Variants in ATP6V0B observed in about 807,000 individuals in gnomAD.
ATP6V0B encodes the protein V-type proton ATPase 21 kDa proteolipid subunit c''.
ATP6V0B carries 4 observed loss-of-function variants against 26.2 expected under a neutral mutation model. That is an observed-to-expected ratio of 0.15 (90% CI 0.08 to 0.35). ATP6V0B has a LOEUF of 0.35. Ranked by LOEUF, ATP6V0B falls within the 10% of genes least tolerant of loss-of-function variation. The probability of loss-of-function intolerance (pLI) is 1.00; values close to 1 mark genes in which losing one functional copy is unlikely to be tolerated. For missense variants in ATP6V0B, 175 were observed against 272.5 expected (o/e 0.64, Z 2.52); for synonymous variants, 110 against 105.8 (o/e 1.04, Z -0.24).
Position 43,976,150 on chromosome 1 carries a change from CCT to C in ATP6V0B, c.178_179del (p.Leu60ValfsTer38), listed in dbSNP as rs754984634. On this transcript the variant is annotated frameshift_variant, in exon 3 of 8. Transcript: ENST00000472174. LOFTEE classifies it high-confidence loss of function. This position sits in a 1 kb window ranked among gnomAD's most constrained non-coding sequence, Gnocchi z 4.6. ...SNLGIGLAIS[L>X]SVVGAAWGIY... ...ACCTGGGCATTGGCCTAGCTATCTC[CCT>C]GTCTGTGGTTGGGGCAGCCTGGTGA... The C allele has an allele frequency of 6.2e-7, 1 of 1,614,062 alleles. No homozygotes were observed. The highest frequency in any genetic ancestry group is 8.5e-7 in the Non-Finnish European group (1 of 1,179,982).
chr1:43,978,071 G>A lies in ATP6V0B; in HGVS notation c.*64G>A. On this transcript the variant is annotated 3_prime_UTR_variant, in exon 8 of 8. Transcript: ENST00000472174. Reference sequence around the variant, plus strand: ...ATTGCTGGTTTTCCTGGGACAGCTGGAGCTGTGTCCCTTAGCCTTTCAGAG... The same window carrying A: ...ATTGCTGGTTTTCCTGGGACAGCTGAAGCTGTGTCCCTTAGCCTTTCAGAG... 1 of 1,607,710 alleles carries A rather than the reference G, an allele frequency of 6.2e-7. No homozygotes were observed. Among genetic ancestry groups the A allele is most frequent in the Non-Finnish European group, 8.5e-7 (1 of 1,174,300 alleles).
chr1:43,978,204 A>T lies in ATP6V0B; in HGVS notation c.*197A>T. Reference sequence around the variant, plus strand: ...TGCGGGGAGCAGGCTGCTGCTGCTGACTCTGTGCAGCTGCGCACCTGTGTC... The same window carrying T: ...TGCGGGGAGCAGGCTGCTGCTGCTGTCTCTGTGCAGCTGCGCACCTGTGTC... On this transcript the variant is annotated 3_prime_UTR_variant, in exon 8 of 8. Transcript: ENST00000472174. The T allele has an allele frequency of 1.4e-6, 1 of 715,214 alleles. No homozygotes were observed. Among genetic ancestry groups the T allele is most frequent in the Non-Finnish European group, 2.4e-6 (1 of 418,216 alleles). 44.3% of individuals were successfully genotyped at this position (715,214 alleles called of 1,614,324 possible).
chr1:43,975,387 C>T, intron 1 of ATP6V0B: 1 of 562,130 alleles, frequency 1.8e-6, no homozygotes, highest in Non-Finnish European at 3.1e-6. Flanking sequence ...CTGCTGTCCC[C>T]CCTTTCTTGC....
chr1:43,976,612 G>A lies in ATP6V0B; in HGVS notation c.301G>A (p.Ala101Thr). ...LVSIIFCEAV[A>T]IYGIIMAIVI... Reference sequence around the variant, plus strand: ...CAGCATCATCTTCTGTGAGGCTGTGGCCATCTACGGCATCATCATGGCAAT... The same window carrying A: ...CAGCATCATCTTCTGTGAGGCTGTGACCATCTACGGCATCATCATGGCAAT... The change falls in exon 5 of 8, where the codon GCC (alanine) becomes ACC (threonine). Residue 101 changes from alanine (A) to threonine (T), a missense_variant. Physicochemically the swap from Ala to Thr is moderately conservative, Grantham distance 58. Coordinates refer to ENST00000472174, the MANE Select transcript of ATP6V0B (RefSeq NM_004047.5). This position sits in a 1 kb window ranked among gnomAD's most constrained non-coding sequence, Gnocchi z 4.6. 1 of 1,614,176 alleles carries A rather than the reference G, an allele frequency of 6.2e-7. No homozygotes were observed. The highest frequency in any genetic ancestry group is 8.5e-7 in the Non-Finnish European group (1 of 1,180,034).
At chr1:43,975,451 G>T in intron 1 of ATP6V0B, 1 of 547,026 alleles carries the variant, frequency 1.8e-6, no homozygotes, top group Non-Finnish European at 3.2e-6. Flanking sequence ...TCTTTTCCCA[G>T]TCGCTTTGCC....
chr1:43,976,237 T>A lies in ATP6V0B; in HGVS notation c.200+64T>A, dbSNP rs1056858580. The A allele has an allele frequency of 3.1e-6, 5 of 1,609,136 alleles. No homozygotes were observed. The highest frequency in any genetic ancestry group is 4.3e-6 in the Non-Finnish European group (5 of 1,176,018). On this transcript the variant is annotated intron_variant, in intron 3 of 7. Coordinates refer to ENST00000472174, the MANE Select transcript of ATP6V0B (RefSeq NM_004047.5). The surrounding 1 kb of genome is among the most constrained non-coding windows in gnomAD (Gnocchi z 4.6). ...GTCATGGCAGGTGGTGTCACTGGGG[T>A]CTTAGGCATGCTGAGGGCAGTGACA...
chr1:43,976,359 C>T lies in ATP6V0B; in HGVS notation c.258C>T (p.Ile86=), dbSNP rs1469536626. Residue 86 remains isoleucine (I), a synonymous_variant, in exon 4 of 8, where the codon ATC becomes ATT. Coordinates refer to ENST00000472174, the MANE Select transcript of ATP6V0B (RefSeq NM_004047.5). This position sits in a 1 kb window ranked among gnomAD's most constrained non-coding sequence, Gnocchi z 4.6. ...IIGGGVKAPR[I]KTKNLVSIIF... Reference sequence around the variant, plus strand: ...GTGGAGGAGTGAAGGCCCCCAGGATCAAGACCAAGAACCTGGTCAGGTAAG... The same window carrying T: ...GTGGAGGAGTGAAGGCCCCCAGGATTAAGACCAAGAACCTGGTCAGGTAAG... The T allele has an allele frequency of 6.2e-7, 1 of 1,613,262 alleles. No homozygotes were observed. The highest frequency in any genetic ancestry group is 1.3e-5 in the African/African-American group (1 of 74,866).
intron 7 of ATP6V0B, 195 bp from the exon 8 acceptor site, chr1:43,977,786 C>G: frequency 6.6e-7 from 1 of 1,505,086 alleles, no homozygotes; most frequent in Non-Finnish European, 8.9e-7. Context: ...CACTTCTCTC[C>G]GTCTGTCCCA....
chr1:43,977,017 T>A lies in ATP6V0B; in HGVS notation c.401-9T>A. The A allele has an allele frequency of 6.2e-7, 1 of 1,602,312 alleles. No individual in the cohort carries two copies. The highest frequency in any genetic ancestry group is 8.5e-7 in the Non-Finnish European group (1 of 1,171,956). On this transcript the variant is annotated splice_polypyrimidine_tract_variant and intron_variant, in intron 6 of 7. Coordinates refer to ENST00000472174, the MANE Select transcript of ATP6V0B (RefSeq NM_004047.5). ...CTTAGCCTCACTGCACCCCTCTCTA[T>A]CCTCCCAGGCTACTCCATGTTTGGG...
rs1352388050 is a variant in ATP6V0B, at chr1:43,976,065, G to C, written c.117-25G>C. Reference sequence around the variant, plus strand: ...TCCGCTTCCCTGCTAGAGCTGAACTGCTTTCTTCTCTGCTTCCACAACAGG... The same window carrying C: ...TCCGCTTCCCTGCTAGAGCTGAACTCCTTTCTTCTCTGCTTCCACAACAGG... On this transcript the variant is annotated intron_variant, in intron 2 of 7. Transcript: ENST00000472174. The surrounding 1 kb of genome is among the most constrained non-coding windows in gnomAD (Gnocchi z 4.6). 3.1e-6 allele frequency: 5 copies of C among 1,610,022 alleles called. No individual in the cohort carries two copies. Among genetic ancestry groups the C allele is most frequent in the Non-Finnish European group, 4.3e-6 (5 of 1,176,380 alleles).
In ATP6V0B at chr1:43,976,374, G is replaced by A; in HGVS notation, c.273G>A (p.Leu91=). ...VKAPRIKTKN[L]VSIIFCEAVA... ...CCCCCAGGATCAAGACCAAGAACCT[G>A]GTCAGGTAAGTGTCAGGGTCCTTGG... The change falls in exon 4 of 8, where the codon CTG becomes CTA. Residue 91 remains leucine, a synonymous_variant. Transcript: ENST00000472174. This position sits in a 1 kb window ranked among gnomAD's most constrained non-coding sequence, Gnocchi z 4.6. The A allele has an allele frequency of 6.2e-7, 1 of 1,612,116 alleles. No individual in the cohort carries two copies. The highest frequency in any genetic ancestry group is 8.5e-7 in the Non-Finnish European group (1 of 1,179,124).
At chr1:43,975,270 A>T (rs2085504815) in intron 1 of ATP6V0B, 163 bp downstream of exon 1, 1 of 913,940 alleles carries the variant, frequency 1.1e-6, no homozygotes. Context: ...GACAAAGGAG[A>T]CCCGGATTTC....
chr1:43,977,952 G>A (rs769968809), intron 7 of ATP6V0B, 29 bp from the exon 8 acceptor site: 1 of 1,614,146 alleles, frequency 6.2e-7, no homozygotes. Flanking sequence ...CTCTGTCCCT[G>A]CCTGATTTCT....
rs1199592551 is a variant in ATP6V0B at position 43,976,204 on chromosome 1, G to A, written c.200+31G>A. ...TATTGGGGTGGTGGGACTGGGGGCA[G>A]GGGCTGAGTCATGGCAGGTGGTGTC... On this transcript the variant is annotated intron_variant, in intron 3 of 7. Coordinates refer to ENST00000472174, the MANE Select transcript of ATP6V0B (RefSeq NM_004047.5). The surrounding 1 kb of genome is among the most constrained non-coding windows in gnomAD (Gnocchi z 4.6). The A allele has an allele frequency of 2.5e-6, 4 of 1,611,300 alleles. No individual in the cohort carries two copies. The highest frequency in any genetic ancestry group is 1.3e-5 in the African/African-American group (1 of 74,846).
chr1:43,976,466 GCC>G lies in ATP6V0B; in HGVS notation c.278+88_278+89del. 6.5e-7 allele frequency: 1 copy of G among 1,540,392 alleles called. No individual in the cohort carries two copies. The highest frequency in any genetic ancestry group is 8.9e-7 in the Non-Finnish European group (1 of 1,119,922). Reference sequence around the variant, plus strand: ...TGATCTGACATACTGTTTCTGACAAGCCACCTTGTGGGATGGGATGTTATAGG... The same window carrying G: ...TGATCTGACATACTGTTTCTGACAAGACCTTGTGGGATGGGATGTTATAGG... On this transcript the variant is annotated intron_variant, in intron 4 of 7. Transcript: ENST00000472174. The surrounding 1 kb of genome is among the most constrained non-coding windows in gnomAD (Gnocchi z 4.6).
In ATP6V0B at chr1:43,975,898, C is replaced by T. The variant is rs1204786803; in HGVS notation, c.116+50C>T. On this transcript the variant is annotated intron_variant, in intron 2 of 7. Coordinates refer to ENST00000472174, the MANE Select transcript of ATP6V0B (RefSeq NM_004047.5). The stretch of plus-strand genomic sequence containing the variant: ...CCCCTTGAAGCTTCTTCCCTGCAGC[C>T]TCTCTTCTTTTCTCTGGTCTGAGTC... The T allele has an allele frequency of 2.6e-6, 4 of 1,548,022 alleles. 1 individual carries two copies. Among genetic ancestry groups the T allele is most frequent in the Admixed American group, 3.7e-5 (2 of 53,522 alleles).
rs371622392 is a variant in ATP6V0B, at chr1:43,976,195, C to G, written c.200+22C>G. On this transcript the variant is annotated intron_variant, in intron 3 of 7. Coordinates refer to ENST00000472174, the MANE Select transcript of ATP6V0B (RefSeq NM_004047.5). This position sits in a 1 kb window ranked among gnomAD's most constrained non-coding sequence, Gnocchi z 4.6. ...CCTGGTGAGTATTGGGGTGGTGGGA[C>G]TGGGGGCAGGGGCTGAGTCATGGCA... The G allele has an allele frequency of 3.7e-6, 6 of 1,612,098 alleles. No individual in the cohort carries two copies. The African/African-American group carries it at 6.7e-5, about 18-fold the overall frequency.
chr1:43,977,834 G>GAGTTTGATGC, intron 7 of ATP6V0B, 147 bp from the exon 8 acceptor site: 1 of 1,587,258 alleles, frequency 6.3e-7, no homozygotes. Flanking sequence ...TGTCTGCCTT[G>GAGTTTGATGC]TCTGTCACAG....
chr1:43,977,083 T>G lies in ATP6V0B; in HGVS notation c.458T>G (p.Val153Gly). Residue 153 changes from valine (V) to glycine (G), a missense_variant, in exon 7 of 8, where the codon GTC becomes GGC. Val to Gly is a moderately radical substitution (Grantham distance 109, BLOSUM62 -3). Transcript: ENST00000472174. ...TVGLSNLFCG[V>G]CVGIVGSGAA... ...GGCCTGTCTAACCTCTTCTGTGGAG[T>G]CTGCGTGGGCATCGTGGGCAGTGGG... is the stretch of plus-strand genomic sequence containing the variant. 6.2e-7 allele frequency: 1 copy of G among 1,613,910 alleles called. No homozygotes were observed. Among genetic ancestry groups the G allele is most frequent in the Non-Finnish European group, 8.5e-7 (1 of 1,179,846 alleles).
Sources: gnomAD v4.1 joint callset for allele counts on GRCh38, gnomAD v4.1.1 for gene constraint, Gnocchi (gnomAD v3.1) non-coding constraint, MANE v1.5 for transcripts, NCBI Gene and HGNC (gene_info 2026-07-23, HGNC 2026-07-21) for gene names.